DMD: variants seen among roughly 807,000 people sequenced by gnomAD.
DMD encodes dystrophin, also known as mutant dystrophin.
Under a neutral mutation model 330.1 loss-of-function variants are expected in DMD, and 63 were observed. The ratio of observed to expected loss-of-function variants is 0.19; its 90% confidence interval spans 0.16 to 0.24. DMD has a LOEUF of 0.24. Among genes scored for constraint, DMD ranks in the 10% least tolerant of loss-of-function variants. The pLI is 1.00. For missense variants in DMD, 3,344 were observed against 2,684.1 expected, an observed-to-expected ratio of 1.25 and a Z score of -5.43; for synonymous variants, 1,223 against 959.8, an observed-to-expected ratio of 1.27 and a Z score of -5.07.
intron 1 of DMD, among the ~76,000 whole-genome samples, chrX:33,119,074 TCTGA>T (rs1339070790): frequency 9.8e-5 from 11 of 112,574 alleles, no homozygotes; most frequent in African/African-American, 3.5e-4. Flanking sequence ...AAGCCTGGAC[TCTGA>T]CTGATCACTT....
At chrX:32,554,117 T>C in intron 16 of DMD, among the ~76,000 whole-genome samples, 1 of 112,249 alleles carries the variant, frequency 8.9e-6, no homozygotes, top group Admixed American at 9.4e-5. Context: ...TATCAGAATC[T>C]CTGGGACGCA....
At chrX:33,215,383 T>C (rs1352361873), upstream of DMD, among the ~76,000 whole-genome samples, 8 of 110,737 alleles carry the variant, frequency 7.2e-5, no homozygotes, top group Admixed American at 1.9e-4. Context: ...AATGTATTTG[T>C]ATTTGGTTTG....
At chrX:33,217,762 T>C (rs2052084530) in intron 1 of DMD, among the ~76,000 whole-genome samples, 1 of 111,777 alleles carries the variant, frequency 8.9e-6, no homozygotes, top group Non-Finnish European at 1.9e-5. Context: ...TATTCATTGA[T>C]TAGCAATTGA....
intron 52 of DMD, among the ~76,000 whole-genome samples, chrX:31,689,325 A>G (rs2082937983): frequency 8.9e-6 from 1 of 112,074 alleles, no homozygotes; most frequent in Non-Finnish European, 1.9e-5. Flanking sequence ...TACACCAATA[A>G]CAGACAAACA....
chrX:31,836,880 T>A, intron 48 of DMD, 61 bp from the exon 49 acceptor site: 1 of 985,447 alleles, frequency 1.0e-6, no homozygotes. Context: ...AATTACTAAA[T>A]TTAAATATAC....
At chrX:31,402,506 A>G (rs942198871) in intron 60 of DMD, among the ~76,000 whole-genome samples, 1 of 112,039 alleles carries the variant, frequency 8.9e-6, no homozygotes, top group Non-Finnish European at 1.9e-5. Context: ...TCAGTATCCT[A>G]AAGTACAAAA....
chrX:32,729,615 T>G (rs1271518081), intron 7 of DMD, among the ~76,000 whole-genome samples: 1 of 111,879 alleles, frequency 8.9e-6, no homozygotes, highest in Non-Finnish European at 1.9e-5. Flanking sequence ...TCAGCAGATT[T>G]CTACCCTTGT....
intron 52 of DMD, among the ~76,000 whole-genome samples, chrX:31,694,597 T>C (rs1253235637): frequency 1.1e-5 from 1 of 87,145 alleles, no homozygotes; most frequent in East Asian, 3.5e-4. Flanking sequence ...GAATAGACAT[T>C]CTCAAAAGAT....
Position 32,605,850 on chromosome X carries a change from T to A in DMD, c.1482+8453A>T, listed in dbSNP as rs550368095. On this transcript the variant is annotated intron_variant, in intron 12 of 78. Transcript: ENST00000357033. ...AAATTAAAACCACAAGGAGATATGA[T>A]CTCACACCAATCAGTATGGCTATTA... is the stretch of plus-strand genomic sequence containing the variant. 3.3e-4 allele frequency among the ~76,000 whole-genome samples: 36 copies of A among 110,230 alleles called. 1 individual carries two copies. The South Asian group carries it at 0.014, about 42-fold the overall frequency.
intron 61 of DMD, among the ~76,000 whole-genome samples, chrX:31,347,764 T>C (rs1274276708): frequency 2.7e-5 from 3 of 112,631 alleles, no homozygotes; most frequent in Non-Finnish European, 1.9e-5. Flanking sequence ...GATTGCCAGA[T>C]GGTAAGGTAG....
intron 1 of DMD, among the ~76,000 whole-genome samples, chrX:33,197,285 T>C (rs1214782818): frequency 8.9e-6 from 1 of 112,214 alleles, no homozygotes; most frequent in East Asian, 2.8e-4. Context: ...CGCAAAGAAA[T>C]ATGCAACAAT....
intron 18 of DMD, among the ~76,000 whole-genome samples, chrX:32,507,850 T>C (rs999736825): frequency 2.7e-5 from 3 of 111,436 alleles, no homozygotes; most frequent in African/African-American, 9.8e-5. Context: ...TGAGCATCAG[T>C]AAGATTAAAT....
intron 18 of DMD, among the ~76,000 whole-genome samples, chrX:32,507,598 A>T (rs2044758195): frequency 9.0e-6 from 1 of 111,539 alleles, no homozygotes; most frequent in Admixed American, 9.5e-5. Context: ...AACCACCACA[A>T]CTACAACAAA....
chrX:33,210,323 A>G (rs757855785), intron 1 of DMD, among the ~76,000 whole-genome samples: 11 of 110,583 alleles, frequency 9.9e-5, no homozygotes, highest in African/African-American at 3.6e-4. Flanking sequence ...CTATTTTAGA[A>G]TAACTACACT....
chrX:31,574,090 A>C (rs1042080152), intron 55 of DMD, among the ~76,000 whole-genome samples: 8 of 109,323 alleles, frequency 7.3e-5, no homozygotes, highest in African/African-American at 2.3e-4. Flanking sequence ...TTTCATTACT[A>C]TCCTCCACTG....
intron 1 of DMD, among the ~76,000 whole-genome samples, chrX:33,149,013 T>G (rs918830627): frequency 3.6e-5 from 4 of 110,657 alleles, no homozygotes; most frequent in African/African-American, 1.3e-4. Flanking sequence ...TGGGGTTTGA[T>G]GGATGACAAT....
Position 32,495,633 on chromosome X carries a change from A to C in DMD, c.2381-4115T>G, listed in dbSNP as rs1312358017. Among the ~76,000 whole-genome samples the C allele has an allele frequency of 2.7e-5, 3 of 112,066 alleles. No individual in the cohort carries two copies. The Admixed American group carries it at 2.8e-4, about 11-fold the overall frequency. On this transcript the variant is annotated intron_variant, in intron 19 of 78. Transcript: ENST00000357033. ...AGAACTACTGTTGATTTTCTAAGAA[A>C]GTCCATTAAAACCTTTCTAGAATGA...
chrX:32,631,910 C>A (rs1450073582), intron 11 of DMD, among the ~76,000 whole-genome samples: 1 of 110,955 alleles, frequency 9.0e-6, no homozygotes, highest in African/African-American at 3.3e-5. Flanking sequence ...CATCCTGGCC[C>A]CTCCCAAATC....
chrX:32,309,959 A>T, intron 42 of DMD, 123 bp downstream of exon 42: 1 of 610,269 alleles, frequency 1.6e-6, no homozygotes, highest in Non-Finnish European at 2.6e-6. Context: ...AAGTATTTTT[A>T]AGAATTCCAT....
Sources: allele counts gnomAD v4.1 joint callset (sites outside exome capture counted in the v4.1 genomes callset), GRCh38; gene constraint gnomAD v4.1.1; transcripts MANE v1.5; gene names NCBI Gene and HGNC (gene_info 2026-07-23, HGNC 2026-07-21).